The following SCLT1 variants were observed in gnomAD, a reference collection of about 807,000 sequenced individuals.
SCLT1 encodes the protein sodium channel-associated protein 1.
A neutral mutation model predicts 112.8 loss-of-function variants in SCLT1; 78 were observed. The ratio of observed to expected loss-of-function variants is 0.69; its 90% CI spans 0.58 to 0.83. The LOEUF is 0.83. SCLT1 is among the 40% of genes least tolerant of loss of function. The pLI is 0.00. For missense variants in SCLT1, 747 were observed against 770.4 expected (o/e 0.97, Z 0.36); for synonymous variants, 257 against 254.7 (o/e 1.01, Z -0.09).
intron 8 of SCLT1, among the ~76,000 whole-genome samples, chr4:128,994,083 G>A (rs186034991): frequency 2.6e-5 from 4 of 152,092 alleles, no homozygotes; most frequent in African/African-American, 4.8e-5. Flanking sequence ...TGTACAATAC[G>A]TTATTGCTGA....
intron 5 of SCLT1, among the ~76,000 whole-genome samples, chr4:129,007,747 GTTT>G (rs776825661): frequency 1.1e-4 from 16 of 151,970 alleles, no homozygotes; most frequent in Non-Finnish European, 1.8e-4. Flanking sequence ...AGGCATCTGG[GTTT>G]ATATCTACTA....
intron 1 of SCLT1, among the ~76,000 whole-genome samples, chr4:129,091,220 T>C (rs546999278): frequency 6.6e-6 from 1 of 152,240 alleles, no homozygotes; most frequent in East Asian, 1.9e-4. Flanking sequence ...ACTCTCATTC[T>C]TATCTCTTCA....
rs568078511 is a variant in SCLT1 at position 128,958,357 on chromosome 4, G to A, written c.1048-1233C>T. ...GCTGTACTTCCTGCCTTGTTTGTGTGATCGGCTGGGAGAACCTTTGACTTT... is the reference window on the plus strand; with the variant it reads ...GCTGTACTTCCTGCCTTGTTTGTGTAATCGGCTGGGAGAACCTTTGACTTT... On this transcript the variant is annotated intron_variant, in intron 12 of 20. Transcript: ENST00000281142. Among the ~76,000 whole-genome samples the A allele has an allele frequency of 2.6e-4, 40 of 152,260 alleles. 2 individuals are homozygous for A. In the South Asian group the frequency reaches 7.5e-3, roughly 28 times the overall value.
chr4:128,969,390 G>T (rs1740482712), intron 10 of SCLT1, among the ~76,000 whole-genome samples: 1 of 152,064 alleles, frequency 6.6e-6, no homozygotes, highest in Non-Finnish European at 1.5e-5. Flanking sequence ...GGCTAACACG[G>T]TGAAACCCTG....
At chr4:128,889,664 A>G (rs1733159953) in intron 19 of SCLT1, among the ~76,000 whole-genome samples, 2 of 152,250 alleles carry the variant, frequency 1.3e-5, no homozygotes, top group Non-Finnish European at 2.9e-5. Context: ...AGACAAGTGC[A>G]AATAATCTAT....
In SCLT1 at chr4:129,077,875, T is replaced by C. The variant is rs116023591; in HGVS notation, c.102+4431A>G. ...GAACCCTCTAGGGATGCATTACATA[T>C]GGCCAAGGATATGGGCATTATTGCT... On this transcript the variant is annotated intron_variant, in intron 2 of 20. Coordinates refer to ENST00000281142, the MANE Select transcript of SCLT1 (RefSeq NM_144643.4). 5.0e-3 allele frequency among the ~76,000 whole-genome samples: 768 copies of C among 152,346 alleles called. 6 individuals are homozygous for C. Among genetic ancestry groups the C allele is most frequent in the African/African-American group, 0.017 (722 of 41,574 alleles).
At chr4:128,974,552 T>C (rs915075011) in intron 9 of SCLT1, among the ~76,000 whole-genome samples, 2 of 152,094 alleles carry the variant, frequency 1.3e-5, no homozygotes, top group Admixed American at 1.3e-4. Flanking sequence ...ATCCTGAATG[T>C]GTTCTGGACG....
chr4:128,998,320 T>C (rs1440842735), intron 7 of SCLT1, among the ~76,000 whole-genome samples: 1 of 151,898 alleles, frequency 6.6e-6, no homozygotes, highest in African/African-American at 2.4e-5. Context: ...TCAAAACCTA[T>C]AATACAAACC....
chr4:129,063,569 C>T (rs1020980704), intron 2 of SCLT1, among the ~76,000 whole-genome samples: 8 of 152,140 alleles, frequency 5.3e-5, no homozygotes, highest in African/African-American at 1.7e-4. Flanking sequence ...GACAGCCAGC[C>T]ATGGGGAAGG....
intron 9 of SCLT1, among the ~76,000 whole-genome samples, chr4:128,974,834 T>A (rs1560914719): frequency 6.6e-6 from 1 of 151,928 alleles, no homozygotes; most frequent in Non-Finnish European, 1.5e-5. Flanking sequence ...AACAAAAAAA[T>A]TTTGATTTAA....
chr4:128,909,568 C>T (rs1206453756), intron 18 of SCLT1, among the ~76,000 whole-genome samples: 2 of 152,176 alleles, frequency 1.3e-5, no homozygotes, highest in Non-Finnish European at 2.9e-5. Context: ...TTGCATGGTA[C>T]TTATTATCTG....
intron 4 of SCLT1, chr4:129,040,190 C>T (rs1747578546): frequency 2.8e-6 from 2 of 702,536 alleles, no homozygotes; most frequent in East Asian, 2.7e-5. Flanking sequence ...GAAAGGTGAA[C>T]TTTTCCAAGG....
chr4:128,972,975 T>A (rs1740823220), intron 9 of SCLT1, among the ~76,000 whole-genome samples: 1 of 152,196 alleles, frequency 6.6e-6, no homozygotes, highest in Admixed American at 6.5e-5. Context: ...AAGAGTCTCA[T>A]CTCTTGCCAA....
intron 2 of SCLT1, among the ~76,000 whole-genome samples, chr4:129,058,565 G>A (rs1048906950): frequency 5.9e-5 from 9 of 151,956 alleles, no homozygotes; most frequent in African/African-American, 2.2e-4. Context: ...TTCCACTGTG[G>A]TCACAAACAA....
At chr4:128,941,070 G>A (rs1737654468) in intron 17 of SCLT1, among the ~76,000 whole-genome samples, 1 of 151,796 alleles carries the variant, frequency 6.6e-6, no homozygotes, top group African/African-American at 2.4e-5. Flanking sequence ...GTTACAAATA[G>A]TTTTCTCTTA....
At chr4:128,880,261 T>G (rs527853087), downstream of SCLT1, among the ~76,000 whole-genome samples, 8 of 152,088 alleles carry the variant, frequency 5.3e-5, no homozygotes, top group Admixed American at 3.3e-4. Flanking sequence ...ATTAAGGGAG[T>G]TGGTGCTTGG....
intron 11 of SCLT1, among the ~76,000 whole-genome samples, chr4:128,961,531 CT>C (rs35948361): frequency 1.3e-5 from 2 of 151,332 alleles, no homozygotes; most frequent in East Asian, 1.9e-4. Flanking sequence ...TCAGACATTT[CT>C]TTTTTTTTAA....
intron 16 of SCLT1, 146 bp downstream of exon 16, chr4:128,945,861 G>T: frequency 2.0e-6 from 1 of 493,838 alleles, no homozygotes; most frequent in Non-Finnish European, 3.5e-6. Flanking sequence ...AAATAATCTT[G>T]AATAAAATTA....
intron 18 of SCLT1, among the ~76,000 whole-genome samples, chr4:128,932,084 G>A (rs1185491967): frequency 6.6e-6 from 1 of 151,392 alleles, no homozygotes; most frequent in Non-Finnish European, 1.5e-5. Context: ...CCATATGTGG[G>A]AACACCCACA....
Sources: allele counts gnomAD v4.1 joint callset (sites outside exome capture counted in the v4.1 genomes callset), GRCh38; gene constraint gnomAD v4.1.1; transcripts MANE v1.5; gene names NCBI Gene and HGNC (gene_info 2026-07-23, HGNC 2026-07-21).